The following NAALADL2 variants were observed in gnomAD, a reference collection of about 807,000 sequenced individuals.
NAALADL2 encodes inactive N-acetylated-alpha-linked acidic dipeptidase-like protein 2.
A neutral mutation model predicts 87.2 loss-of-function variants in NAALADL2; 76 were observed. The observed-to-expected ratio is 0.87, with a 90% CI of 0.72 to 1.05. NAALADL2 has a LOEUF of 1.05. NAALADL2 is among the 50% of genes least tolerant of loss of function. NAALADL2 has a pLI of 0.00. For missense variants in NAALADL2, 1,089 were observed against 945.8 expected (o/e 1.15, Z -1.99); for synonymous variants, 354 against 331.0 (o/e 1.07, Z -0.75).
At chr3:174,926,908 G>C (rs1684882048) in intron 1 of NAALADL2, among the ~76,000 whole-genome samples, 2 of 151,966 alleles carry the variant, frequency 1.3e-5, no homozygotes, top group Admixed American at 1.3e-4. Flanking sequence ...GACACAGACT[G>C]GCAAATTGGA....
chr3:175,610,479 G>C (rs1560846019), intron 10 of NAALADL2, among the ~76,000 whole-genome samples: 1 of 151,978 alleles, frequency 6.6e-6, no homozygotes, highest in Non-Finnish European at 1.5e-5. Flanking sequence ...CCACACAGAT[G>C]GCTATGATAC....
chr3:175,140,178 G>A (rs1729775570), intron 2 of NAALADL2, among the ~76,000 whole-genome samples: 1 of 152,068 alleles, frequency 6.6e-6, no homozygotes, highest in Non-Finnish European at 1.5e-5. Context: ...GTGGCCATCT[G>A]GTAGGATAGT....
intron 5 of NAALADL2, among the ~76,000 whole-genome samples, chr3:175,339,647 C>T (rs753281026): frequency 2.6e-5 from 4 of 152,024 alleles, no homozygotes; most frequent in South Asian, 2.1e-4. Flanking sequence ...AAAGTGCTGA[C>T]GGCTTTGAGA....
intron 6 of NAALADL2, among the ~76,000 whole-genome samples, chr3:175,453,565 T>A (rs1463046108): frequency 6.6e-6 from 1 of 152,148 alleles, no homozygotes. Flanking sequence ...TTGGCACTTG[T>A]GTGCTATTTG....
intron 1 of NAALADL2, among the ~76,000 whole-genome samples, chr3:174,901,450 G>C (rs2108258790): frequency 6.6e-6 from 1 of 152,266 alleles, no homozygotes; most frequent in South Asian, 2.1e-4. Context: ...TTAGGATATT[G>C]TAAGCTTCAT....
chr3:174,894,624 A>ACTC, intron 1 of NAALADL2, among the ~76,000 whole-genome samples: 1 of 100,086 alleles, frequency 1.0e-5, no homozygotes, highest in East Asian at 3.7e-4. Flanking sequence ...AAAAAAAAAA[A>ACTC]AAAAAAAAAA....
At chr3:174,725,023 A>C (rs1409921609) in intron 2 of NAALADL2, among the ~76,000 whole-genome samples, 1 of 152,198 alleles carries the variant, frequency 6.6e-6, no homozygotes, top group Non-Finnish European at 1.5e-5. Context: ...TTCAGCATAC[A>C]CTGAGAAGCA....
chr3:174,474,616 A>G (rs1473211157), intron 1 of NAALADL2, among the ~76,000 whole-genome samples: 1 of 152,100 alleles, frequency 6.6e-6, no homozygotes, highest in Non-Finnish European at 1.5e-5. Flanking sequence ...TTCTTGTAAA[A>G]TTCTCCTGTT....
chr3:175,442,682 A>G (rs1720004267), intron 5 of NAALADL2, among the ~76,000 whole-genome samples: 1 of 152,156 alleles, frequency 6.6e-6, no homozygotes, highest in African/African-American at 2.4e-5. Context: ...TGAATCAGGG[A>G]TTGAATTATT....
chr3:175,753,020 G>A (rs1009182026), intron 12 of NAALADL2, among the ~76,000 whole-genome samples: 1 of 152,084 alleles, frequency 6.6e-6, no homozygotes. Context: ...ATGGCATTGA[G>A]TAAATTATTC....
chr3:175,677,472 T>C (rs1279849036), intron 11 of NAALADL2, among the ~76,000 whole-genome samples: 1 of 143,896 alleles, frequency 6.9e-6, no homozygotes, highest in African/African-American at 2.6e-5. Context: ...ATAAATAGTA[T>C]AATGGGGTGT....
intron 1 of NAALADL2, among the ~76,000 whole-genome samples, chr3:175,025,551 ATTG>A (rs1164068810): frequency 2.0e-5 from 3 of 152,168 alleles, no homozygotes; most frequent in African/African-American, 7.2e-5. Context: ...GGCAACGGCT[ATTG>A]TTATCAAAGA....
chr3:174,631,265 A>G (rs2108694801), intron 2 of NAALADL2, among the ~76,000 whole-genome samples: 1 of 152,324 alleles, frequency 6.6e-6, no homozygotes, highest in South Asian at 2.1e-4. Flanking sequence ...ATAATGTTCC[A>G]GTCTTAAAAT....
At chr3:174,674,672 T>C (rs1404516473) in intron 2 of NAALADL2, among the ~76,000 whole-genome samples, 2 of 152,078 alleles carry the variant, frequency 1.3e-5, no homozygotes, top group Admixed American at 1.3e-4. Context: ...AAGAGGCAAA[T>C]TATTGAAGTT....
chr3:175,797,015 A>G (rs764290129), intron 13 of NAALADL2, among the ~76,000 whole-genome samples: 10 of 151,378 alleles, frequency 6.6e-5, no homozygotes, highest in South Asian at 2.1e-4. Flanking sequence ...AAGATATTTC[A>G]TCTCCTTCAC....
At chr3:174,778,001 A>C (rs1715428603) in intron 3 of NAALADL2, among the ~76,000 whole-genome samples, 1 of 152,148 alleles carries the variant, frequency 6.6e-6, no homozygotes, top group Non-Finnish European at 1.5e-5. Flanking sequence ...ATGATATAGT[A>C]CTAGCATTCC....
chr3:174,825,777 C>T (rs1232017936), intron 3 of NAALADL2, among the ~76,000 whole-genome samples: 1 of 152,118 alleles, frequency 6.6e-6, no homozygotes, highest in Non-Finnish European at 1.5e-5. Flanking sequence ...CCTGTAATCC[C>T]AGCACTTTGG....
intron 13 of NAALADL2, among the ~76,000 whole-genome samples, chr3:175,790,668 G>A (rs1752675680): frequency 6.6e-6 from 1 of 152,110 alleles, no homozygotes; most frequent in African/African-American, 2.4e-5. Context: ...GATTTTTTCT[G>A]CCTTGTCACT....
intron 3 of NAALADL2, among the ~76,000 whole-genome samples, chr3:174,761,386 GTAAAA>G (rs1712928192): frequency 6.6e-6 from 1 of 151,998 alleles, no homozygotes; most frequent in Admixed American, 6.6e-5. Flanking sequence ...AGTCTTAAGT[GTAAAA>G]TAAAATATAA....
Sources: gnomAD v4.1 joint callset for allele counts (sites outside exome capture counted in the v4.1 genomes callset) on GRCh38, gnomAD v4.1.1 for gene constraint, MANE v1.5 for transcripts, NCBI Gene and HGNC (gene_info 2026-07-23, HGNC 2026-07-21) for gene names.